SEC24D: variants seen among roughly 807,000 people sequenced by gnomAD.
The protein encoded by SEC24D is protein transport protein Sec24D.
In SEC24D, 69 loss-of-function variants were observed where a neutral mutation model predicts 116.9. The observed-to-expected ratio is 0.59, with a 90% CI of 0.49 to 0.72. The LOEUF is 0.72. Ranked by LOEUF, SEC24D falls within the 30% of genes least tolerant of loss-of-function variation. The pLI, the probability that SEC24D is intolerant of heterozygous loss-of-function variation, is 0.00. For missense variants in SEC24D, 1,131 were observed against 1,264.1 expected (o/e 0.89, Z 1.60); for synonymous variants, 405 against 442.8 (o/e 0.91, Z 1.07).
At chr4:118,764,013 T>C (rs1462140933) in intron 10 of SEC24D, among the ~76,000 whole-genome samples, 1 of 151,938 alleles carries the variant, frequency 6.6e-6, no homozygotes, top group Non-Finnish European at 1.5e-5. Context: ...GGTTTGCCAG[T>C]TGGGGTATGT....
At chr4:118,752,586 C>A (rs962666180) in intron 12 of SEC24D, 111 bp downstream of exon 12, 2 of 715,308 alleles carry the variant, frequency 2.8e-6, no homozygotes, top group Non-Finnish European at 4.5e-6. Flanking sequence ...TAATCTGTGT[C>A]TTGAAACCCC....
intron 1 of SEC24D, 121 bp from the exon 2 acceptor site, chr4:118,833,858 A>T: frequency 1.8e-6 from 1 of 565,396 alleles, no homozygotes; most frequent in Non-Finnish European, 3.1e-6. Flanking sequence ...GATATCAGGT[A>T]CATGAGAAAT....
intron 8 of SEC24D, among the ~76,000 whole-genome samples, chr4:118,786,850 T>C (rs1578433960): frequency 6.6e-6 from 1 of 152,208 alleles, no homozygotes; most frequent in African/African-American, 2.4e-5. Flanking sequence ...CCACACTTTC[T>C]GAAAATTCAC....
intron 18 of SEC24D, among the ~76,000 whole-genome samples, 168 bp downstream of exon 18, chr4:118,738,981 T>C (rs950928617): frequency 1.3e-5 from 2 of 152,196 alleles, no homozygotes; most frequent in Non-Finnish European, 2.9e-5. Context: ...ACCTCACTTA[T>C]TAATTTAGAG....
At position 118,723,479 on chromosome 4, in the gene SEC24D, C is replaced by T; in HGVS notation, c.*36G>A. 1 of 1,590,182 alleles carries T rather than the reference C, an allele frequency of 6.3e-7. No individual in the cohort carries two copies. Among genetic ancestry groups the T allele is most frequent in the Non-Finnish European group, 8.6e-7 (1 of 1,169,088 alleles). On this transcript the variant is annotated 3_prime_UTR_variant, in exon 23 of 23. Coordinates refer to ENST00000280551, the MANE Select transcript of SEC24D (RefSeq NM_014822.4). ...TAGGCACCAAGAAGGAGATTATCTCCTTGGAAATGCAACATCAATGACAGA... is the reference window on the plus strand; with the variant it reads ...TAGGCACCAAGAAGGAGATTATCTCTTTGGAAATGCAACATCAATGACAGA...
At chr4:118,806,046 T>C in intron 6 of SEC24D, 92 bp from the exon 7 acceptor site, 1 of 748,482 alleles carries the variant, frequency 1.3e-6, no homozygotes, top group Non-Finnish European at 2.2e-6. Context: ...TCCTCCCTCC[T>C]TTTCCCCTCC....
rs748180921 is a variant in SEC24D, at chr4:118,744,937, A to G, written c.1824+7T>C. 1.4e-6 allele frequency: 2 copies of G among 1,479,878 alleles called. No homozygotes were observed. The highest frequency in any genetic ancestry group is 1.4e-5 in the African/African-American group (1 of 72,080). The allele number at this position is 1,479,878 out of a possible 1,614,324, so 91.7% of individuals were successfully genotyped here. ...GACATATGGATACTCAAAGAGTTACAAAGTACCTTCTCTTTGTCTGTATTA... is the reference window on the plus strand; with the variant it reads ...GACATATGGATACTCAAAGAGTTACGAAGTACCTTCTCTTTGTCTGTATTA... On this transcript the variant is annotated splice_region_variant and intron_variant, in intron 14 of 22. Coordinates refer to ENST00000280551, the MANE Select transcript of SEC24D (RefSeq NM_014822.4).
chr4:118,792,455 G>A (rs1728969748), intron 8 of SEC24D, among the ~76,000 whole-genome samples: 1 of 152,232 alleles, frequency 6.6e-6, no homozygotes, highest in Non-Finnish European at 1.5e-5. Context: ...CAGAAAAGGG[G>A]GAAATGTGGG....
chr4:118,809,914 AG>A (rs577923040), intron 6 of SEC24D, among the ~76,000 whole-genome samples: 69 of 152,290 alleles, frequency 4.5e-4, no homozygotes, highest in African/African-American at 1.5e-3. Flanking sequence ...TGAGGACATG[AG>A]CTGTGCCCTG....
chr4:118,800,941 T>C (rs967834352), intron 7 of SEC24D, among the ~76,000 whole-genome samples: 5 of 151,964 alleles, frequency 3.3e-5, no homozygotes, highest in African/African-American at 9.7e-5. Context: ...TGTCTGCCCA[T>C]GGGCAACCGT....
At chr4:118,740,136 G>A (rs917784653) in intron 17 of SEC24D, among the ~76,000 whole-genome samples, 2 of 152,162 alleles carry the variant, frequency 1.3e-5, no homozygotes, top group African/African-American at 4.8e-5. Flanking sequence ...GCATGTAACA[G>A]AGGGAAGATG....
chr4:118,829,972 T>C (rs1730773027), intron 2 of SEC24D, among the ~76,000 whole-genome samples: 1 of 152,188 alleles, frequency 6.6e-6, no homozygotes, highest in African/African-American at 2.4e-5. Context: ...AGTTTGCTTG[T>C]GTCTGTCAGG....
intron 10 of SEC24D, among the ~76,000 whole-genome samples, chr4:118,762,238 T>G (rs1727419481): frequency 6.6e-6 from 1 of 152,058 alleles, no homozygotes. Flanking sequence ...CTGAGGGAAC[T>G]CCAGGATGAT....
intron 7 of SEC24D, among the ~76,000 whole-genome samples, chr4:118,798,673 A>C (rs933564834): frequency 6.6e-6 from 1 of 152,252 alleles, no homozygotes; most frequent in Admixed American, 6.5e-5. Context: ...GGACATTAGA[A>C]GGTGATAAAT....
chr4:118,815,485 G>A lies in SEC24D; in HGVS notation c.639C>T (p.Gly213=). The A allele has an allele frequency of 6.2e-7, 1 of 1,614,206 alleles. No individual in the cohort carries two copies. Among genetic ancestry groups the A allele is most frequent in the Non-Finnish European group, 8.5e-7 (1 of 1,180,024 alleles). ...NAQYQPPPLP[G]QTLGAGYPPQ... ...GAGGATATCCAGCACCCAAGGTCTG[G>A]CCTGGAAGAGGTGGGGGCTGGTACT... The change falls in exon 5 of 23, where the codon GGC becomes GGT. Residue 213 remains glycine (G), a synonymous_variant. Transcript: ENST00000280551.
intron 20 of SEC24D, among the ~76,000 whole-genome samples, chr4:118,731,925 G>C (rs1295695927): frequency 6.6e-6 from 1 of 151,978 alleles, no homozygotes; most frequent in African/African-American, 2.4e-5. Context: ...GGAAGGAAAA[G>C]CTAGTGCACT....
intron 2 of SEC24D, among the ~76,000 whole-genome samples, chr4:118,832,688 T>C (rs1310771097): frequency 6.6e-6 from 1 of 152,200 alleles, no homozygotes; most frequent in African/African-American, 2.4e-5. Context: ...ACTTACTGCA[T>C]AGCATTGTAT....
intron 3 of SEC24D, among the ~76,000 whole-genome samples, chr4:118,818,127 A>C (rs1730230235): frequency 6.6e-6 from 1 of 152,144 alleles, no homozygotes. Context: ...CTTGTTCTGC[A>C]TTAAACAATG....
chr4:118,790,690 A>G (rs994097804), intron 8 of SEC24D, among the ~76,000 whole-genome samples: 1 of 151,968 alleles, frequency 6.6e-6, no homozygotes, highest in Non-Finnish European at 1.5e-5. Context: ...TTCCTAAGGA[A>G]CATCCTCTCG....
Sources: gnomAD v4.1 joint callset for allele counts (sites outside exome capture counted in the v4.1 genomes callset) on GRCh38, gnomAD v4.1.1 for gene constraint, MANE v1.5 for transcripts, NCBI Gene and HGNC (gene_info 2026-07-23, HGNC 2026-07-21) for gene names.